CTNNA2: variants seen among roughly 807,000 people sequenced by gnomAD.
The protein encoded by CTNNA2 is catenin alpha 2.
A neutral mutation model predicts 101.0 loss-of-function variants in CTNNA2; 42 were observed. The ratio of observed to expected loss-of-function variants is 0.42; its 90% confidence interval spans 0.32 to 0.54. The LOEUF is 0.54. CTNNA2 is among the 20% of genes least tolerant of loss of function. The pLI, the probability that CTNNA2 is intolerant of heterozygous loss-of-function variation, is 0.14. For missense variants in CTNNA2, 871 were observed against 1,223.1 expected, an observed-to-expected ratio of 0.71 and a Z score of 4.29; for synonymous variants, 450 against 456.4, an observed-to-expected ratio of 0.99 and a Z score of 0.18.
At chr2:79,930,268 AAGAAAGAAAGAGAGAG>A (rs1300099653) in intron 7 of CTNNA2, among the ~76,000 whole-genome samples, 5 of 9,434 alleles carry the variant, frequency 5.3e-4, no homozygotes, top group Admixed American at 1.2e-3. Flanking sequence ...GAAAGAAAGA[AAGAAAGAAAGAGAGAG>A]AGAGAGAAAG....
intron 3 of CTNNA2, among the ~76,000 whole-genome samples, chr2:79,338,725 A>G (rs903786991): frequency 2.6e-5 from 4 of 151,854 alleles, no homozygotes; most frequent in African/African-American, 9.7e-5. Context: ...ATAGGAACCC[A>G]CTTCAATATC....
At position 79,543,382 on chromosome 2, in the gene CTNNA2, T is replaced by C. The variant is rs571342562; in HGVS notation, c.-6+30175T>C. Among the ~76,000 whole-genome samples the C allele has an allele frequency of 4.6e-5, 7 of 152,326 alleles. No individual in the cohort carries two copies. The South Asian group carries it at 1.4e-3, about 32-fold the overall frequency. ...TATTATTTCAGTAACTAAGCATTGT[T>C]GTACCTTTCTTCTTAAGAAGATTAA... is the stretch of plus-strand genomic sequence containing the variant. On this transcript the variant is annotated intron_variant, in intron 1 of 18. Transcript: ENST00000402739.
At chr2:80,340,765 C>G (rs183781381) in intron 7 of CTNNA2, among the ~76,000 whole-genome samples, 2 of 152,250 alleles carry the variant, frequency 1.3e-5, no homozygotes, top group East Asian at 3.9e-4. Context: ...CCATTCAATT[C>G]TGACATTATC....
intron 2 of CTNNA2, among the ~76,000 whole-genome samples, chr2:79,723,623 A>T (rs1398671512): frequency 6.6e-6 from 1 of 152,204 alleles, no homozygotes; most frequent in East Asian, 1.9e-4. Context: ...AATCTTAAGC[A>T]TAATCGAATC....
intron 2 of CTNNA2, among the ~76,000 whole-genome samples, chr2:79,292,019 G>T (rs1167954848): frequency 1.3e-5 from 2 of 152,104 alleles, no homozygotes; most frequent in African/African-American, 4.8e-5. Context: ...GAGCTCACCT[G>T]TGGGGGTGGT....
At chr2:80,417,474 T>C (rs899123945) in intron 8 of CTNNA2, among the ~76,000 whole-genome samples, 15 of 151,920 alleles carry the variant, frequency 9.9e-5, no homozygotes, top group African/African-American at 3.6e-4. Context: ...TGTCACATTT[T>C]CTAAAATGGT....
intron 7 of CTNNA2, among the ~76,000 whole-genome samples, chr2:80,289,427 T>G (rs1471065600): frequency 6.6e-6 from 1 of 152,194 alleles, no homozygotes; most frequent in Non-Finnish European, 1.5e-5. Flanking sequence ...AGATAATTTT[T>G]ATATTACTGA....
chr2:79,884,650 G>A (rs1325945897), intron 6 of CTNNA2, among the ~76,000 whole-genome samples: 1 of 151,864 alleles, frequency 6.6e-6, no homozygotes, highest in Non-Finnish European at 1.5e-5. Context: ...CCCTGGTATA[G>A]CAACTCTACA....
At chr2:79,563,273 T>C (rs1674906190) in intron 1 of CTNNA2, among the ~76,000 whole-genome samples, 1 of 151,840 alleles carries the variant, frequency 6.6e-6, no homozygotes, top group South Asian at 2.1e-4. Flanking sequence ...AAAAAGTATT[T>C]ATATAATTTA....
At chr2:79,723,189 TC>T (rs1686598956) in intron 2 of CTNNA2, among the ~76,000 whole-genome samples, 1 of 152,192 alleles carries the variant, frequency 6.6e-6, no homozygotes, top group African/African-American at 2.4e-5. Context: ...ATCTCACTAC[TC>T]CTGCACAAGT....
chr2:80,154,703 C>T (rs1230414783), intron 7 of CTNNA2, among the ~76,000 whole-genome samples: 1 of 152,166 alleles, frequency 6.6e-6, no homozygotes, highest in Non-Finnish European at 1.5e-5. Context: ...ACTCCTAATA[C>T]CTGCTGAGTA....
chr2:80,542,040 A>ATT, intron 9 of CTNNA2, among the ~76,000 whole-genome samples: 1 of 151,354 alleles, frequency 6.6e-6, no homozygotes, highest in South Asian at 2.1e-4. Context: ...ACCCCAGATA[A>ATT]TTGTGAAGCA....
chr2:79,965,022 A>C (rs183423359), intron 7 of CTNNA2, among the ~76,000 whole-genome samples: 13 of 152,326 alleles, frequency 8.5e-5, no homozygotes, highest in African/African-American at 2.9e-4. Flanking sequence ...CTTTTAAGAA[A>C]TTGGCAGAAT....
chr2:79,288,120 C>T lies in CTNNA2; in HGVS notation c.-405-24589C>T, dbSNP rs141333715. ...CCTGCTTCACCTCGCGCATGGTGCGCGCACCCACTGACCTGTGCCCACTGT... is the reference window on the plus strand; with the variant it reads ...CCTGCTTCACCTCGCGCATGGTGCGTGCACCCACTGACCTGTGCCCACTGT... On this transcript the variant is annotated intron_variant, in intron 2 of 21. Transcript: ENST00000466387. Among the ~76,000 whole-genome samples, 406 of 152,294 alleles carry T rather than the reference C, an allele frequency of 2.7e-3. 7 individuals carry two copies. In the East Asian group the frequency reaches 0.062, roughly 23 times the overall value.
intron 2 of CTNNA2, among the ~76,000 whole-genome samples, chr2:79,733,046 A>G (rs1429821337): frequency 1.3e-5 from 2 of 152,164 alleles, no homozygotes; most frequent in South Asian, 2.1e-4. Flanking sequence ...ATAGTCTCAC[A>G]TTGTGTCCAC....
intron 2 of CTNNA2, among the ~76,000 whole-genome samples, chr2:79,727,247 T>A (rs1022611873): frequency 1.3e-5 from 2 of 152,198 alleles, no homozygotes; most frequent in African/African-American, 4.8e-5. Context: ...ATATTCAGAT[T>A]GAAAGCTTGT....
At chr2:79,699,644 C>A (rs1684861206) in intron 2 of CTNNA2, among the ~76,000 whole-genome samples, 1 of 151,380 alleles carries the variant, frequency 6.6e-6, no homozygotes, top group African/African-American at 2.4e-5. Flanking sequence ...AAAAGACCCT[C>A]CATGTTAGAC....
intron 12 of CTNNA2, among the ~76,000 whole-genome samples, chr2:80,559,011 G>A (rs1693311316): frequency 6.6e-6 from 1 of 152,104 alleles, no homozygotes; most frequent in South Asian, 2.1e-4. Context: ...AAGCATCCCT[G>A]GACTCCACCT....
intron 7 of CTNNA2, among the ~76,000 whole-genome samples, chr2:80,096,318 C>G (rs371430261): frequency 1.3e-5 from 2 of 152,054 alleles, no homozygotes; most frequent in African/African-American, 4.8e-5. Flanking sequence ...GCGGTTTTGA[C>G]TGAGTTTCTT....
Sources: allele counts gnomAD v4.1 joint callset (sites outside exome capture counted in the v4.1 genomes callset), GRCh38; gene constraint gnomAD v4.1.1; transcripts MANE v1.5; gene names NCBI Gene and HGNC (gene_info 2026-07-23, HGNC 2026-07-21).